Variants in TBC1D14 observed in about 807,000 individuals in gnomAD.
TBC1D14 encodes the protein TBC1 domain family member 14.
In TBC1D14, 26 loss-of-function variants were observed where a neutral mutation model predicts 79.0. The ratio of observed to expected loss-of-function variants is 0.33; its 90% CI spans 0.24 to 0.46. TBC1D14 has a LOEUF of 0.46. Ranked by LOEUF, TBC1D14 falls within the 20% of genes least tolerant of loss-of-function variation. TBC1D14 has a pLI of 1.00. For synonymous variants in TBC1D14, 394 were observed against 349.9 expected (o/e 1.13, Z -1.40); for missense variants, 769 against 887.6 (o/e 0.87, Z 1.70).
Position 6,923,889 on chromosome 4 carries a change from C to T in TBC1D14, c.500C>T (p.Ser167Phe). The change falls in exon 2 of 14, where the codon TCC (serine) becomes TTC (phenylalanine). Residue 167 changes from serine to phenylalanine, a missense_variant. Physicochemically the swap from Ser to Phe is radical, Grantham distance 155. This residue lies in a region of TBC1D14 where 402 missense variants were observed against 393.2 expected (regional missense o/e 1.02). Transcript: ENST00000409757. Reference protein sequence around the residue: ...CSVSSLGTELSTTLSVSNEDI... With the variant: ...CSVSSLGTELFTTLSVSNEDI... The stretch of plus-strand genomic sequence containing the variant: ...GTGTCCAGTCTTGGGACAGAGCTGT[C>T]CACCACGCTGTCCGTCAGCAATGAG... 1 of 1,614,162 alleles carries T rather than the reference C, an allele frequency of 6.2e-7. No individual in the cohort carries two copies.
intron 6 of TBC1D14, among the ~76,000 whole-genome samples, chr4:6,999,954 G>A (rs1442206574): frequency 6.6e-6 from 1 of 152,054 alleles, no homozygotes; most frequent in South Asian, 2.1e-4. Flanking sequence ...GCCAGTGTGC[G>A]GGCAGAAGTC....
chr4:7,019,171 G>A (rs893610741), intron 12 of TBC1D14, among the ~76,000 whole-genome samples: 9 of 152,018 alleles, frequency 5.9e-5, no homozygotes, highest in Admixed American at 5.2e-4. Context: ...GCAGGCGCCC[G>A]CCACCACCCC....
At chr4:7,012,853 CAG>C (rs1449489866) in intron 11 of TBC1D14, among the ~76,000 whole-genome samples, 1 of 152,142 alleles carries the variant, frequency 6.6e-6, no homozygotes. Flanking sequence ...TGGTCAGAAA[CAG>C]AAAATAAATC....
rs139407886 is a variant in TBC1D14 at position 7,006,653 on chromosome 4, A to G, written c.1373A>G (p.Asp458Gly). 197 of 1,613,926 alleles carry G rather than the reference A, an allele frequency of 1.2e-4. 1 individual carries two copies. The highest frequency in any genetic ancestry group is 1.2e-3 in the Middle Eastern group (7 of 6,084). ...ENEDAGFSAADREASLELIKL... is the reference protein window; with the variant it reads ...ENEDAGFSAAGREASLELIKL... Reference sequence around the variant, plus strand: ...ACAGATGCTGGTTTTTCAGCAGCAGACAGAGAAGCCAGTCTGGAGCTTATT... The same window carrying G: ...ACAGATGCTGGTTTTTCAGCAGCAGGCAGAGAAGCCAGTCTGGAGCTTATT... Residue 458 changes from aspartate (D) to glycine (G), a missense_variant, in exon 9 of 14, where the codon GAC becomes GGC. Transcript: ENST00000409757.
intron 11 of TBC1D14, among the ~76,000 whole-genome samples, chr4:7,011,154 C>T (rs1008171858): frequency 1.3e-5 from 2 of 152,180 alleles, no homozygotes; most frequent in Non-Finnish European, 2.9e-5. Context: ...TAGAACATGT[C>T]GTAATCGAGC....
chr4:6,920,894 T>C (rs1318343044), intron 1 of TBC1D14, among the ~76,000 whole-genome samples: 1 of 152,164 alleles, frequency 6.6e-6, no homozygotes, highest in African/African-American at 2.4e-5. Flanking sequence ...TTCTCCTTCC[T>C]CAGCCTCCTG....
intron 3 of TBC1D14, among the ~76,000 whole-genome samples, chr4:6,977,255 C>T (rs1328366256): frequency 2.7e-5 from 4 of 147,378 alleles, no homozygotes; most frequent in African/African-American, 7.5e-5. Context: ...CGAGTGCCTG[C>T]GATTGCAGGT....
chr4:6,978,706 C>T (rs1717066227), intron 3 of TBC1D14, among the ~76,000 whole-genome samples: 1 of 146,102 alleles, frequency 6.8e-6, no homozygotes, highest in Non-Finnish European at 1.5e-5. Flanking sequence ...TGCCAAATCC[C>T]CCTCTGCGAG....
intron 2 of TBC1D14, among the ~76,000 whole-genome samples, chr4:6,946,321 A>G (rs1713458816): frequency 6.6e-6 from 1 of 152,010 alleles, no homozygotes; most frequent in Admixed American, 6.6e-5. Flanking sequence ...AGTGTTATTT[A>G]TTTATTTTAC....
intron 2 of TBC1D14, among the ~76,000 whole-genome samples, chr4:6,929,509 C>T (rs114473421): frequency 0.014 from 2,064 of 152,166 alleles, 48 homozygotes; most frequent in African/African-American, 0.047. Flanking sequence ...GTCCACCCGC[C>T]TGAGGGTGGA....
At chr4:6,934,338 A>T (rs900457148) in intron 2 of TBC1D14, among the ~76,000 whole-genome samples, 17 of 151,896 alleles carry the variant, frequency 1.1e-4, no homozygotes, top group African/African-American at 4.1e-4. Context: ...CGGCCCGGTG[A>T]GCATGGGTGT....
At chr4:7,005,677 T>C (rs1720120528) in intron 8 of TBC1D14, among the ~76,000 whole-genome samples, 1 of 151,304 alleles carries the variant, frequency 6.6e-6, no homozygotes, top group Non-Finnish European at 1.5e-5. Flanking sequence ...CCAGCCTAGG[T>C]GACAGAGCAA....
intron 6 of TBC1D14, 79 bp from the exon 7 acceptor site, chr4:7,001,065 GT>G: frequency 1.7e-6 from 2 of 1,198,230 alleles, no homozygotes; most frequent in Non-Finnish European, 2.4e-6. Flanking sequence ...CCAGCTCTTG[GT>G]GGTTCGGGGC....
At chr4:6,936,462 A>G (rs935669845) in intron 2 of TBC1D14, among the ~76,000 whole-genome samples, 3 of 152,188 alleles carry the variant, frequency 2.0e-5, no homozygotes, top group African/African-American at 2.4e-5. Flanking sequence ...ATGTCTTGAT[A>G]GCTCATTTCT....
chr4:6,994,126 C>T (rs1054708392), intron 3 of TBC1D14, 58 bp from the exon 4 acceptor site: 93 of 1,411,348 alleles, frequency 6.6e-5, no homozygotes, highest in Non-Finnish European at 8.0e-5. Context: ...TCTTACTTTC[C>T]GAAGGACTTC....
intron 2 of TBC1D14, among the ~76,000 whole-genome samples, chr4:6,952,313 G>C (rs983336143): frequency 6.6e-6 from 1 of 152,224 alleles, no homozygotes; most frequent in African/African-American, 2.4e-5. Context: ...CCAGTGCCCA[G>C]GCGATGCCGC....
At chr4:6,989,561 C>T (rs981355558) in intron 3 of TBC1D14, among the ~76,000 whole-genome samples, 2 of 152,304 alleles carry the variant, frequency 1.3e-5, no homozygotes, top group African/African-American at 4.8e-5. Context: ...TGGCTCGCCC[C>T]TCCTGGCACA....
At chr4:6,939,737 AG>A (rs1712720299) in intron 2 of TBC1D14, among the ~76,000 whole-genome samples, 1 of 15,624 alleles carries the variant, frequency 6.4e-5, no homozygotes, top group Non-Finnish European at 1.4e-4. Flanking sequence ...GTTCCTGAGG[AG>A]AGGGGTGGGG....
intron 2 of TBC1D14, among the ~76,000 whole-genome samples, chr4:6,931,300 A>G (rs1577475531): frequency 6.6e-6 from 1 of 152,246 alleles, no homozygotes; most frequent in Admixed American, 6.5e-5. Flanking sequence ...CAGATTGATT[A>G]CCTCTCGATT....
Sources: gnomAD v4.1 joint callset for allele counts (sites outside exome capture counted in the v4.1 genomes callset) on GRCh38, gnomAD v4.1.1 for gene constraint, gnomAD v4.1.1 regional missense constraint, MANE v1.5 for transcripts, NCBI Gene and HGNC (gene_info 2026-07-23, HGNC 2026-07-21) for gene names.